MAP1B: variants seen among roughly 807,000 people sequenced by gnomAD.
MAP1B encodes the protein microtubule associated protein 1B.
A neutral mutation model predicts 176.1 loss-of-function variants in MAP1B; 12 were observed. That is an observed-to-expected ratio of 0.07 (90% confidence interval 0.04 to 0.11). The LOEUF (loss-of-function observed/expected upper bound fraction) is 0.11. MAP1B is among the 10% of genes least tolerant of loss of function. The probability of loss-of-function intolerance (pLI) is 1.00; values close to 1 mark genes in which losing one functional copy is unlikely to be tolerated. For missense variants in MAP1B, 2,523 were observed against 2,990.5 expected, an observed-to-expected ratio of 0.84 and a Z score of 3.65; for synonymous variants, 1,044 against 1,135.0, an observed-to-expected ratio of 0.92 and a Z score of 1.61.
intron 5 of MAP1B, among the ~76,000 whole-genome samples, chr5:72,202,347 G>A (rs1747350146): frequency 6.6e-6 from 1 of 152,128 alleles, no homozygotes; most frequent in Admixed American, 6.5e-5. Flanking sequence ...GAGGGCTTTC[G>A]GCTCAGATTC....
chr5:72,118,996 GT>G (rs1365332172), intron 2 of MAP1B, among the ~76,000 whole-genome samples: 1 of 152,172 alleles, frequency 6.6e-6, no homozygotes, highest in African/African-American at 2.4e-5. Context: ...CCTTATACTA[GT>G]TTTTAAATAT....
intron 2 of MAP1B, among the ~76,000 whole-genome samples, chr5:72,169,945 T>C (rs1297191491): frequency 6.6e-6 from 1 of 152,130 alleles, no homozygotes; most frequent in Non-Finnish European, 1.5e-5. Flanking sequence ...TAGATTTAAG[T>C]AGGTATGATG....
chr5:72,173,101 G>A (rs1746577933), intron 2 of MAP1B, among the ~76,000 whole-genome samples: 2 of 152,220 alleles, frequency 1.3e-5, no homozygotes, highest in African/African-American at 4.8e-5. Context: ...TGTGTGCAAT[G>A]GGGATAGTGG....
intron 2 of MAP1B, among the ~76,000 whole-genome samples, chr5:72,154,709 C>T (rs538891168): frequency 2.0e-5 from 3 of 152,136 alleles, no homozygotes; most frequent in African/African-American, 7.2e-5. Context: ...AATTTAGAAG[C>T]TGTGTCTTGT....
At chr5:72,139,746 A>T (rs1470651745) in intron 2 of MAP1B, among the ~76,000 whole-genome samples, 2 of 152,162 alleles carry the variant, frequency 1.3e-5, no homozygotes, top group Admixed American at 1.3e-4. Context: ...TAGTTTAACA[A>T]TGTATTTTTT....
At chr5:72,120,425 C>CTTT (rs775411933) in intron 2 of MAP1B, among the ~76,000 whole-genome samples, 1 of 134,384 alleles carries the variant, frequency 7.4e-6, no homozygotes, top group Non-Finnish European at 1.6e-5. Context: ...TAGTTTCTTT[C>CTTT]TTTTTTTTTT....
At chr5:72,169,255 C>T (rs1746488772) in intron 2 of MAP1B, among the ~76,000 whole-genome samples, 1 of 152,178 alleles carries the variant, frequency 6.6e-6, no homozygotes, top group African/African-American at 2.4e-5. Flanking sequence ...CAACTCCTGA[C>T]ACTTTGGGGC....
In MAP1B at chr5:72,195,577, A is replaced by C. The variant is rs1747139380; in HGVS notation, c.2222A>C (p.Lys741Thr). The C allele has an allele frequency of 6.2e-7, 1 of 1,613,126 alleles. No homozygotes were observed. The highest frequency in any genetic ancestry group is 1.3e-5 in the African/African-American group (1 of 74,834). The change falls in exon 5 of 7, where the codon AAA becomes ACA. Residue 741 changes from lysine to threonine, a missense_variant. By Grantham distance (78) the Lys-to-Thr change is moderately conservative (BLOSUM62 -1). Transcript: ENST00000296755. ...AAGAAGCTCCCTAAAGACGCAAAGA[A>C]ATCATCTACTCCTCTGTCTGAAGCA... is the stretch of plus-strand genomic sequence containing the variant. Reference protein sequence around the residue: ...EIKKLPKDAKKSSTPLSEAKK... With the variant: ...EIKKLPKDAKTSSTPLSEAKK...
chr5:72,196,502 C>T lies in MAP1B; in HGVS notation c.3147C>T (p.Val1049=), dbSNP rs200412679. The T allele has an allele frequency of 4.5e-5, 73 of 1,613,774 alleles. No homozygotes were observed. The highest frequency in any genetic ancestry group is 5.8e-5 in the Non-Finnish European group (69 of 1,180,022). The change falls in exon 5 of 7, where the codon GTC becomes GTT. Residue 1049 remains valine, a synonymous_variant. Transcript: ENST00000296755. The surrounding 1 kb of genome is among the most constrained non-coding windows in gnomAD (Gnocchi z 5.3). ...CTGAAGACTATGTGATGGCTGTGGT[C>T]GACAAGGCTGCAGAGGCTGGTGGTG... The part of the protein sequence containing the change: ...MEAEDYVMAV[V]DKAAEAGGAE...
At chr5:72,163,914 C>A (rs1380055592) in intron 2 of MAP1B, among the ~76,000 whole-genome samples, 1 of 74,434 alleles carries the variant, frequency 1.3e-5, no homozygotes, top group Non-Finnish European at 2.6e-5. Flanking sequence ...TTCTCTCTCT[C>A]TCTTTTTTTT....
chr5:72,197,334 G>A lies in MAP1B; in HGVS notation c.3979G>A (p.Val1327Met), dbSNP rs755439646. ...TLEVVSPSQS[V>M]TGSAGHTPYY... The stretch of plus-strand genomic sequence containing the variant: ...GGAAGTGGTGTCACCATCTCAGTCC[G>A]TGACTGGCAGTGCTGGTCACACACC... Residue 1327 changes from valine (V) to methionine (M), a missense_variant, in exon 5 of 7, where the codon GTG becomes ATG. Around this residue, in one of 4 missense-constraint regions of MAP1B, gnomAD observed 1,925 missense variants for 2,126.0 expected, o/e 0.91. Transcript: ENST00000296755. 14 of 1,614,062 alleles carry A rather than the reference G, an allele frequency of 8.7e-6. No individual in the cohort carries two copies. Among genetic ancestry groups the A allele is most frequent in the East Asian group, 4.5e-5 (2 of 44,896 alleles).
intron 1 of MAP1B, among the ~76,000 whole-genome samples, chr5:72,107,942 C>CACGCTGAGTCCGCAGCCT (rs1348928823): frequency 1.3e-5 from 2 of 152,212 alleles, no homozygotes; most frequent in African/African-American, 4.8e-5. Context: ...GATCTGTCAC[C>CACGCTGAGTCCGCAGCCT]ACGCTGAGTC....
At chr5:72,129,943 T>C (rs1356575655) in intron 2 of MAP1B, among the ~76,000 whole-genome samples, 1 of 152,194 alleles carries the variant, frequency 6.6e-6, no homozygotes, top group Admixed American at 6.5e-5. Flanking sequence ...CATTCCAGCG[T>C]ATAAATATAA....
At position 72,195,158 on chromosome 5, in the gene MAP1B, A is replaced by G; in HGVS notation, c.1803A>G (p.Ser601=). 1 of 1,613,516 alleles carries G rather than the reference A, an allele frequency of 6.2e-7. No individual in the cohort carries two copies. The highest frequency in any genetic ancestry group is 2.2e-5 in the East Asian group (1 of 44,844). The change falls in exon 5 of 7, where the codon TCA becomes TCG. Residue 601 remains serine (S), a synonymous_variant. Coordinates refer to ENST00000296755, the MANE Select transcript of MAP1B (RefSeq NM_005909.5). ...DKPIKTETKP[S]VTEKEVPSKE... is the part of the protein sequence containing the mutation. ...CAATAAAAACAGAGACCAAACCTTC[A>G]GTGACTGAAAAGGAGGTTCCCAGCA... is the stretch of plus-strand genomic sequence containing the variant.
chr5:72,134,049 T>C (rs1358891503), intron 2 of MAP1B, among the ~76,000 whole-genome samples: 2 of 152,260 alleles, frequency 1.3e-5, no homozygotes, highest in African/African-American at 4.8e-5. Flanking sequence ...TTATTGTCAC[T>C]ATGTGAACAC....
rs775909918 is a variant in MAP1B, at chr5:72,197,117, G to A, written c.3762G>A (p.Ser1254=). The A allele has an allele frequency of 2.9e-5, 47 of 1,614,082 alleles. No homozygotes were observed. The Admixed American group carries it at 6.0e-4, about 21-fold the overall frequency. The part of the protein sequence containing the change: ...SAVSSEKVSP[S]KSPSLSPSPP... Reference sequence around the variant, plus strand: ...TTTCAAGTGAAAAGGTCAGCCCATCGAAGAGCCCGTCCCTGAGTCCATCTC... The same window carrying A: ...TTTCAAGTGAAAAGGTCAGCCCATCAAAGAGCCCGTCCCTGAGTCCATCTC... Residue 1254 remains serine, a synonymous_variant, in exon 5 of 7, where the codon TCG becomes TCA. Coordinates refer to ENST00000296755, the MANE Select transcript of MAP1B (RefSeq NM_005909.5).
chr5:72,200,513 C>A, intron 5 of MAP1B, 146 bp downstream of exon 5: 1 of 1,051,370 alleles, frequency 9.5e-7, no homozygotes, highest in Non-Finnish European at 1.4e-6. Flanking sequence ...TCTCCTCTGC[C>A]CAAAGGTATA....
At chr5:72,156,912 G>A (rs548430539) in intron 2 of MAP1B, among the ~76,000 whole-genome samples, 1 of 152,308 alleles carries the variant, frequency 6.6e-6, no homozygotes, top group East Asian at 1.9e-4. Context: ...TTTTACAGAT[G>A]AGGAAACAGA....
chr5:72,200,511 G>C (rs1561318968), intron 5 of MAP1B, 144 bp downstream of exon 5: 2 of 1,067,414 alleles, frequency 1.9e-6, no homozygotes, highest in Non-Finnish European at 2.7e-6. Context: ...CTTCTCCTCT[G>C]CCCAAAGGTA....
Sources: allele counts gnomAD v4.1 joint callset (sites outside exome capture counted in the v4.1 genomes callset), GRCh38; gene constraint gnomAD v4.1.1; regional missense constraint gnomAD v4.1.1; non-coding constraint Gnocchi (gnomAD v3.1); transcripts MANE v1.5; gene names NCBI Gene and HGNC (gene_info 2026-07-23, HGNC 2026-07-21).